The following CDC40 variants were observed in gnomAD, a reference collection of about 807,000 sequenced individuals.
CDC40 encodes cell division cycle 40.
In CDC40, 27 loss-of-function variants were observed where a neutral mutation model predicts 80.6. The observed-to-expected ratio is 0.33, with a 90% CI of 0.25 to 0.46. The LOEUF (loss-of-function observed/expected upper bound fraction) is 0.46, where lower values mean the gene tolerates loss of function less well. Among genes scored for constraint, CDC40 ranks in the 20% least tolerant of loss-of-function variants. CDC40 has a pLI of 1.00. For synonymous variants in CDC40, 221 were observed against 232.6 expected, an observed-to-expected ratio of 0.95 and a Z score of 0.45; for missense variants, 486 against 694.1, an observed-to-expected ratio of 0.70 and a Z score of 3.37.
In CDC40 at chr6:110,226,210, C is replaced by A; in HGVS notation, c.1384C>A (p.His462Asn). The A allele has an allele frequency of 6.2e-7, 1 of 1,608,666 alleles. No individual in the cohort carries two copies. The highest frequency in any genetic ancestry group is 8.5e-7 in the Non-Finnish European group (1 of 1,175,974). Residue 462 changes from histidine (H) to asparagine (N), a missense_variant, in exon 13 of 15, where the codon CAC becomes AAC. His to Asn is a moderately conservative substitution (Grantham distance 68, BLOSUM62 1). Around this residue, in one of 3 missense-constraint regions of CDC40, gnomAD observed 88 missense variants for 138.7 expected, o/e 0.63. Transcript: ENST00000307731. ...CAAGTACATAGCAGAACCCAGTATGCACTCAATGCCTGCAGTGACTTTGTC... is the reference window on the plus strand; with the variant it reads ...CAAGTACATAGCAGAACCCAGTATGAACTCAATGCCTGCAGTGACTTTGTC... Reference protein sequence around the residue: ...DFKYIAEPSMHSMPAVTLSPN... With the variant: ...DFKYIAEPSMNSMPAVTLSPN...
At chr6:110,199,490 A>G (rs1777463288) in intron 2 of CDC40, among the ~76,000 whole-genome samples, 1 of 151,504 alleles carries the variant, frequency 6.6e-6, no homozygotes, top group Non-Finnish European at 1.5e-5. Flanking sequence ...GCTACTCGGG[A>G]GGCTGAGGCA....
chr6:110,221,598 C>G (rs917902835), intron 12 of CDC40, among the ~76,000 whole-genome samples: 1 of 152,152 alleles, frequency 6.6e-6, no homozygotes, highest in Admixed American at 6.5e-5. Flanking sequence ...TATGAGCCAC[C>G]TTAGATCACT....
chr6:110,180,681 T>G (rs371930574), intron 1 of CDC40, 48 bp downstream of exon 1: 23 of 1,392,408 alleles, frequency 1.7e-5, no homozygotes, highest in Non-Finnish European at 2.2e-5. Flanking sequence ...TGGCTTCAGC[T>G]CCAGAACTGC....
At chr6:110,189,718 A>G (rs993502883) in intron 1 of CDC40, among the ~76,000 whole-genome samples, 2 of 152,162 alleles carry the variant, frequency 1.3e-5, no homozygotes, top group African/African-American at 2.4e-5. Flanking sequence ...CTTCTAGCCT[A>G]CGATTGACCA....
intron 10 of CDC40, 64 bp from the exon 11 acceptor site, chr6:110,219,300 T>C (rs557267587): frequency 1.3e-6 from 1 of 742,796 alleles, no homozygotes; most frequent in African/African-American, 1.8e-5. Flanking sequence ...TAGATCTTAA[T>C]CTCACAGTCA....
At chr6:110,188,432 T>C (rs1777302827) in intron 1 of CDC40, among the ~76,000 whole-genome samples, 1 of 152,230 alleles carries the variant, frequency 6.6e-6, no homozygotes, top group Non-Finnish European at 1.5e-5. Context: ...CAAGATAGTA[T>C]CTTTCATCAG....
chr6:110,229,575 A>G (rs976628808), intron 14 of CDC40, among the ~76,000 whole-genome samples: 1 of 152,186 alleles, frequency 6.6e-6, no homozygotes, highest in Non-Finnish European at 1.5e-5. Flanking sequence ...AAAGCCAAAA[A>G]GTAATTATGA....
chr6:110,229,089 C>T (rs981230263), intron 14 of CDC40, 113 bp downstream of exon 14: 32 of 870,324 alleles, frequency 3.7e-5, no homozygotes, highest in Middle Eastern at 3.3e-4. Flanking sequence ...TATGAGAACT[C>T]GATGATCTGT....
chr6:110,189,289 A>T (rs1458971255), intron 1 of CDC40, among the ~76,000 whole-genome samples: 1 of 152,180 alleles, frequency 6.6e-6, no homozygotes, highest in Non-Finnish European at 1.5e-5. Context: ...AAACTTATTT[A>T]TATATTATAT....
chr6:110,206,810 A>G (rs1777568858), intron 3 of CDC40, among the ~76,000 whole-genome samples: 1 of 152,202 alleles, frequency 6.6e-6, no homozygotes, highest in Admixed American at 6.5e-5. Context: ...AAGAAAAGGA[A>G]AATGGTTTCT....
chr6:110,228,227 C>T (rs780898349), intron 13 of CDC40, among the ~76,000 whole-genome samples: 1 of 152,118 alleles, frequency 6.6e-6, no homozygotes, highest in Non-Finnish European at 1.5e-5. Flanking sequence ...CTTATGGGAC[C>T]ACTGTCATAC....
chr6:110,227,111 T>C (rs1007051483), intron 13 of CDC40, among the ~76,000 whole-genome samples: 34 of 152,254 alleles, frequency 2.2e-4, no homozygotes, highest in African/African-American at 7.5e-4. Context: ...CAATTCACTA[T>C]AAAAGATTTT....
intron 2 of CDC40, among the ~76,000 whole-genome samples, chr6:110,195,318 ATG>A (rs983805919): frequency 4.0e-5 from 6 of 150,992 alleles, no homozygotes; most frequent in Non-Finnish European, 7.4e-5. Context: ...GTTTGGTCAA[ATG>A]TGTTTTTTTT....
Position 110,231,198 on chromosome 6 carries a change from C to T in CDC40, c.*1067C>T, listed in dbSNP as rs1777933060. On this transcript the variant is annotated 3_prime_UTR_variant, in exon 15 of 15. Coordinates refer to ENST00000307731, the MANE Select transcript of CDC40 (RefSeq NM_015891.3). The stretch of plus-strand genomic sequence containing the variant: ...GGTGAAAAATAGTTTTTGAAAACAT[C>T]AGATTATAAAATCAAGATAGTCCGG... 1 of 152,086 alleles carries T rather than the reference C, an allele frequency of 6.6e-6. No homozygotes were observed. Among genetic ancestry groups the T allele is most frequent in the Non-Finnish European group, 1.5e-5 (1 of 67,990 alleles). The allele number at this position is 152,086 out of a possible 1,614,324, so 9.4% of individuals were successfully genotyped here.
intron 8 of CDC40, among the ~76,000 whole-genome samples, chr6:110,213,387 G>GTTTTTTTTTTTTTTTTTTTTTTTTT (rs925612659): frequency 6.8e-6 from 1 of 147,322 alleles, no homozygotes; most frequent in African/African-American, 2.5e-5. Flanking sequence ...TTTGTTTTTT[G>GTTTTTTTTTTTTTTTTTTTTTTTTT]TTTTTTTGTT....
intron 9 of CDC40, among the ~76,000 whole-genome samples, 168 bp downstream of exon 9, chr6:110,215,499 G>C (rs1777688799): frequency 6.6e-6 from 1 of 152,220 alleles, no homozygotes; most frequent in South Asian, 2.1e-4. Context: ...AGAGAACTAG[G>C]AAGCAAGAGC....
chr6:110,219,401 T>C lies in CDC40; in HGVS notation c.1128T>C (p.Pro376=), dbSNP rs1008740109. ...CISRFTNRKV[P]YCVKFNPDED... ...CAAGATTTACAAACCGAAAAGTACC[T>C]TATTGTGTCAAATTCAATCCTGATG... Residue 376 remains proline, a synonymous_variant, in exon 11 of 15, where the codon CCT becomes CCC. Coordinates refer to ENST00000307731, the MANE Select transcript of CDC40 (RefSeq NM_015891.3). 1.9e-6 allele frequency: 3 copies of C among 1,605,302 alleles called. No individual in the cohort carries two copies. Among genetic ancestry groups the C allele is most frequent in the Non-Finnish European group, 2.6e-6 (3 of 1,172,496 alleles).
rs1777590893 is a variant in CDC40 at position 110,208,396 on chromosome 6, T to C, written c.491-688T>C. Among the ~76,000 whole-genome samples the C allele has an allele frequency of 2.6e-5, 4 of 152,176 alleles. No individual in the cohort carries two copies. The South Asian group carries it at 8.3e-4, about 31-fold the overall frequency. On this transcript the variant is annotated intron_variant, in intron 4 of 14. Transcript: ENST00000307731. ...TTGTGACTATGATTCCACAAACCTT[T>C]CTTTTTCCAAGTTAATGACTATACA...
chr6:110,196,966 AT>A (rs1777426421), intron 2 of CDC40, among the ~76,000 whole-genome samples: 1 of 152,162 alleles, frequency 6.6e-6, no homozygotes, highest in Non-Finnish European at 1.5e-5. Flanking sequence ...AATTTGGGTT[AT>A]TTTTCTTTAT....
Sources: allele counts gnomAD v4.1 joint callset (sites outside exome capture counted in the v4.1 genomes callset), GRCh38; gene constraint gnomAD v4.1.1; regional missense constraint gnomAD v4.1.1; transcripts MANE v1.5; gene names NCBI Gene and HGNC (gene_info 2026-07-23, HGNC 2026-07-21).